AGBL4: variants seen among roughly 807,000 people sequenced by gnomAD.
AGBL4 encodes the protein cytosolic carboxypeptidase 6.
Under a neutral mutation model 66.4 loss-of-function variants are expected in AGBL4, and 58 were observed. That is an observed-to-expected ratio of 0.87 (90% CI 0.71 to 1.09). The LOEUF (loss-of-function observed/expected upper bound fraction) is 1.09, where lower values mean the gene tolerates loss of function less well. AGBL4 is among the 50% of genes least tolerant of loss of function. AGBL4 has a pLI of 0.00. For missense variants in AGBL4, 579 were observed against 631.0 expected (o/e 0.92, Z 0.88); for synonymous variants, 234 against 222.9 (o/e 1.05, Z -0.44).
intron 4 of AGBL4, among the ~76,000 whole-genome samples, chr1:49,151,717 G>A (rs771056538): frequency 3.3e-5 from 5 of 152,124 alleles, no homozygotes; most frequent in Non-Finnish European, 5.9e-5. Flanking sequence ...TGTATGCACT[G>A]GTCCCCTCTG....
chr1:48,745,173 TGA>T (rs536064689), intron 6 of AGBL4, among the ~76,000 whole-genome samples: 2 of 152,022 alleles, frequency 1.3e-5, no homozygotes, highest in Non-Finnish European at 2.9e-5. Flanking sequence ...CTTCATGACA[TGA>T]GAGGGGAGGA....
At chr1:48,972,500 T>A (rs934037375) in intron 5 of AGBL4, among the ~76,000 whole-genome samples, 4 of 152,180 alleles carry the variant, frequency 2.6e-5, no homozygotes, top group African/African-American at 9.6e-5. Flanking sequence ...CTCATTTCAT[T>A]CTCAATCCCG....
At chr1:49,164,601 C>T (rs749399016) in intron 4 of AGBL4, among the ~76,000 whole-genome samples, 11 of 152,106 alleles carry the variant, frequency 7.2e-5, no homozygotes, top group African/African-American at 1.4e-4. Flanking sequence ...CTTCTTAAGA[C>T]GGCTTTACTC....
intron 6 of AGBL4, among the ~76,000 whole-genome samples, chr1:48,685,451 C>G (rs992934900): frequency 1.3e-5 from 2 of 152,082 alleles, no homozygotes; most frequent in African/African-American, 4.8e-5. Context: ...GTCATGACCC[C>G]CCCATAGCCA....
At chr1:49,762,286 C>A (rs558467939) in intron 2 of AGBL4, among the ~76,000 whole-genome samples, 1 of 152,066 alleles carries the variant, frequency 6.6e-6, no homozygotes, top group South Asian at 2.1e-4. Context: ...TAAGGTGGTA[C>A]CTCAGTATAA....
intron 11 of AGBL4, among the ~76,000 whole-genome samples, chr1:48,553,684 T>G (rs1484551386): frequency 6.6e-6 from 1 of 151,978 alleles, no homozygotes; most frequent in East Asian, 1.9e-4. Context: ...TATTCATAAT[T>G]TTCTACAATT....
intron 3 of AGBL4, among the ~76,000 whole-genome samples, chr1:49,532,100 A>G (rs572176833): frequency 6.6e-6 from 1 of 152,236 alleles, no homozygotes; most frequent in Admixed American, 6.5e-5. Context: ...ATTTCACAGG[A>G]AAGAAATCCC....
chr1:49,075,649 G>A (rs1002139268), intron 4 of AGBL4, among the ~76,000 whole-genome samples: 70 of 152,168 alleles, frequency 4.6e-4, no homozygotes, highest in African/African-American at 1.5e-3. Flanking sequence ...AGATAGTGCA[G>A]GCCAGCTATG....
chr1:49,510,272 A>G (rs567172540), intron 3 of AGBL4, among the ~76,000 whole-genome samples: 2 of 152,036 alleles, frequency 1.3e-5, no homozygotes, highest in East Asian at 3.9e-4. Flanking sequence ...AATGATTGCC[A>G]TTCTAACTGG....
intron 6 of AGBL4, among the ~76,000 whole-genome samples, chr1:48,832,822 G>T (rs1178932961): frequency 1.3e-5 from 2 of 152,172 alleles, no homozygotes; most frequent in Admixed American, 1.3e-4. Context: ...CTCTCTTCCT[G>T]AGTGCCTAAG....
chr1:49,536,507 T>C (rs949729982), intron 3 of AGBL4, among the ~76,000 whole-genome samples: 1 of 152,178 alleles, frequency 6.6e-6, no homozygotes, highest in African/African-American at 2.4e-5. Flanking sequence ...ATGTCAATCC[T>C]ATCAAAGAAA....
chr1:49,875,073 G>A (rs561990496), intron 1 of AGBL4, among the ~76,000 whole-genome samples: 70 of 147,260 alleles, frequency 4.8e-4, no homozygotes, highest in African/African-American at 1.8e-3. Flanking sequence ...AGAATATGTG[G>A]TATTTGGTTT....
At chr1:49,361,475 C>G (rs990083133) in intron 3 of AGBL4, among the ~76,000 whole-genome samples, 1 of 152,106 alleles carries the variant, frequency 6.6e-6, no homozygotes, top group African/African-American at 2.4e-5. Context: ...CAGGTGCCCA[C>G]CATCATGCCC....
intron 3 of AGBL4, among the ~76,000 whole-genome samples, chr1:49,652,217 T>C (rs542287890): frequency 1.4e-3 from 212 of 152,154 alleles, no homozygotes; most frequent in South Asian, 7.0e-3. Flanking sequence ...CCAAACCTAA[T>C]GATGTACAGG....
intron 6 of AGBL4, among the ~76,000 whole-genome samples, chr1:48,756,768 G>C (rs957695051): frequency 4.6e-5 from 7 of 152,228 alleles, no homozygotes; most frequent in African/African-American, 1.7e-4. Context: ...ACTGATGAGA[G>C]ACAGTGGGTG....
At chr1:49,665,357 C>CCTGG (rs1646344015) in intron 3 of AGBL4, among the ~76,000 whole-genome samples, 1 of 152,074 alleles carries the variant, frequency 6.6e-6, no homozygotes, top group African/African-American at 2.4e-5. Context: ...AACAGACAGT[C>CCTGG]CTGGGCTTGA....
At chr1:50,012,397 C>T (rs1487778562) in intron 1 of AGBL4, among the ~76,000 whole-genome samples, 2 of 152,156 alleles carry the variant, frequency 1.3e-5, no homozygotes. Context: ...GGATGGATAA[C>T]CCATTCTCCT....
intron 6 of AGBL4, among the ~76,000 whole-genome samples, chr1:48,741,500 T>A (rs1649903430): frequency 6.6e-6 from 1 of 152,234 alleles, no homozygotes; most frequent in South Asian, 2.1e-4. Flanking sequence ...AATGGGCCTG[T>A]GGCCTGGCCC....
intron 3 of AGBL4, among the ~76,000 whole-genome samples, chr1:49,373,148 A>G (rs1644401366): frequency 6.6e-6 from 1 of 152,172 alleles, no homozygotes; most frequent in South Asian, 2.1e-4. Flanking sequence ...ATCTCTCTGA[A>G]TACAACTCTC....
Sources: allele counts gnomAD v4.1 joint callset (sites outside exome capture counted in the v4.1 genomes callset), GRCh38; gene constraint gnomAD v4.1.1; transcripts MANE v1.5; gene names NCBI Gene and HGNC (gene_info 2026-07-23, HGNC 2026-07-21).